Variants in EPB41L3 observed in about 807,000 individuals in gnomAD.
EPB41L3 encodes the protein erythrocyte membrane protein band 4.1 like 3.
In EPB41L3, 57 loss-of-function variants were observed where a neutral mutation model predicts 127.1. The observed-to-expected ratio is 0.45, with a 90% confidence interval of 0.36 to 0.56. The LOEUF (loss-of-function observed/expected upper bound fraction) is 0.56, where lower values mean the gene tolerates loss of function less well. Among genes scored for constraint, EPB41L3 ranks in the 20% least tolerant of loss-of-function variants. The pLI is 0.00. For synonymous variants in EPB41L3, 572 were observed against 549.5 expected (o/e 1.04, Z -0.57); for missense variants, 1,273 against 1,372.2 (o/e 0.93, Z 1.14).
At chr18:5,396,684 C>T (rs1485796595) in intron 18 of EPB41L3, among the ~76,000 whole-genome samples, 1 of 152,114 alleles carries the variant, frequency 6.6e-6, no homozygotes, top group Non-Finnish European at 1.5e-5. Context: ...GCATTTAGGA[C>T]CCGGGTAAAC....
intron 6 of EPB41L3, among the ~76,000 whole-genome samples, chr18:5,434,471 C>G (rs1222397749): frequency 6.6e-6 from 1 of 152,130 alleles, no homozygotes; most frequent in Non-Finnish European, 1.5e-5. Flanking sequence ...AATACAGTTC[C>G]TGAAATCCTT....
At chr18:5,400,852 T>C in intron 16 of EPB41L3, 1 of 655,026 alleles carries the variant, frequency 1.5e-6, no homozygotes, top group Admixed American at 2.8e-5. Flanking sequence ...ATTATGTACC[T>C]ACCTTGGTTT....
intron 1 of EPB41L3, among the ~76,000 whole-genome samples, chr18:5,497,220 T>G (rs968866895): frequency 7.9e-5 from 12 of 152,134 alleles, no homozygotes; most frequent in Non-Finnish European, 1.8e-4. Context: ...TCCCATGGGT[T>G]TGCAGAGCTG....
At position 5,445,244 on chromosome 18, in the gene EPB41L3, T is replaced by G; in HGVS notation, c.382A>C (p.Lys128Gln). Residue 128 changes from lysine (K) to glutamine (Q), a missense_variant and splice_region_variant, in exon 4 of 23, where the codon AAA (lysine) becomes CAA (glutamine). This residue lies in a region of EPB41L3 where 326 missense variants were observed against 440.2 expected (regional missense o/e 0.74). Coordinates refer to ENST00000341928, the MANE Select transcript of EPB41L3 (RefSeq NM_012307.5). ...DGSEYTCDVE[K>Q]RSRGQVLFDK... is the part of the protein sequence containing the mutation. Reference sequence around the variant, plus strand: ...AACAGCACTTGTCCTCTGGAGCGTTTCTACAGAAAACAGAATAGCAAAGCA... The same window carrying G: ...AACAGCACTTGTCCTCTGGAGCGTTGCTACAGAAAACAGAATAGCAAAGCA... 2 of 1,612,574 alleles carry G rather than the reference T, an allele frequency of 1.2e-6. No homozygotes were observed. Among genetic ancestry groups the G allele is most frequent in the Non-Finnish European group, 1.7e-6 (2 of 1,178,976 alleles).
At position 5,393,398 on chromosome 18, in the gene EPB41L3, G is replaced by A; in HGVS notation, c.*87C>T. 1 of 681,958 alleles carries A rather than the reference G, an allele frequency of 1.5e-6. No homozygotes were observed. The highest frequency in any genetic ancestry group is 2.7e-6 in the Non-Finnish European group (1 of 376,998). 42.2% of individuals were successfully genotyped at this position (681,958 alleles called of 1,614,324 possible). A position where few individuals can be genotyped will look rare whatever the true frequency, so the allele number is the denominator to read the frequency against. Reference sequence around the variant, plus strand: ...TCCACGGACAGATACAAGTCAGTTGGGTTAGAAGAGGGAACTCCATATAGG... The same window carrying A: ...TCCACGGACAGATACAAGTCAGTTGAGTTAGAAGAGGGAACTCCATATAGG... On this transcript the variant is annotated 3_prime_UTR_variant, in exon 23 of 23. Coordinates refer to ENST00000341928, the MANE Select transcript of EPB41L3 (RefSeq NM_012307.5).
intron 3 of EPB41L3, among the ~76,000 whole-genome samples, chr18:5,466,057 A>G (rs2147289784): frequency 6.6e-6 from 1 of 152,044 alleles, no homozygotes; most frequent in South Asian, 2.1e-4. Context: ...TTTCATTATC[A>G]TTTTTTCCAT....
At chr18:5,419,470 T>C (rs1477983644) in intron 12 of EPB41L3, among the ~76,000 whole-genome samples, 1 of 152,250 alleles carries the variant, frequency 6.6e-6, no homozygotes, top group Non-Finnish European at 1.5e-5. Context: ...AGGACAGCTA[T>C]TGAAAGTCTT....
chr18:5,519,227 G>T (rs547960082), intron 1 of EPB41L3, among the ~76,000 whole-genome samples: 90 of 152,344 alleles, frequency 5.9e-4, no homozygotes, highest in African/African-American at 2.1e-3. Flanking sequence ...GGTACTGCAT[G>T]TATCCCTGTT....
chr18:5,601,702 C>T (rs948502109), intron 3 of EPB41L3, among the ~76,000 whole-genome samples: 16 of 152,124 alleles, frequency 1.1e-4, no homozygotes, highest in African/African-American at 2.7e-4. Flanking sequence ...AGAACTATCC[C>T]AGAAATCCAG....
intron 3 of EPB41L3, among the ~76,000 whole-genome samples, chr18:5,603,689 C>T (rs2143846932): frequency 6.6e-6 from 1 of 152,136 alleles, no homozygotes; most frequent in African/African-American, 2.4e-5. Context: ...TTGAGACCAG[C>T]CTGGGCAACA....
chr18:5,592,554 T>G (rs1050436734), intron 3 of EPB41L3, among the ~76,000 whole-genome samples: 2 of 152,068 alleles, frequency 1.3e-5, no homozygotes, highest in Non-Finnish European at 2.9e-5. Flanking sequence ...CTCCCAGGAG[T>G]TCCTTTGCAG....
chr18:5,530,145 C>T (rs1009741070), intron 1 of EPB41L3, among the ~76,000 whole-genome samples: 1 of 152,044 alleles, frequency 6.6e-6, no homozygotes, highest in African/African-American at 2.4e-5. Context: ...AACATTAGCA[C>T]CATTTATTGG....
chr18:5,536,125 C>T (rs1465546187), intron 1 of EPB41L3, among the ~76,000 whole-genome samples: 1 of 152,068 alleles, frequency 6.6e-6, no homozygotes, highest in Admixed American at 6.5e-5. Flanking sequence ...AAAGAGATGA[C>T]ATTAAAATCT....
intron 13 of EPB41L3, 84 bp from the exon 14 acceptor site, chr18:5,410,703 G>T (rs947517373): frequency 2.0e-6 from 2 of 1,004,088 alleles, no homozygotes; most frequent in Non-Finnish European, 1.5e-6. Context: ...TCTGGCACAG[G>T]TCAGACAGGT....
intron 22 of EPB41L3, chr18:5,394,471 T>C (rs1042240067): frequency 3.8e-6 from 2 of 521,888 alleles, no homozygotes; most frequent in Non-Finnish European, 3.4e-6. Context: ...ATCCTCTAAC[T>C]GGCAGTGCAT....
At chr18:5,458,587 C>T (rs1036534283) in intron 3 of EPB41L3, among the ~76,000 whole-genome samples, 1 of 152,124 alleles carries the variant, frequency 6.6e-6, no homozygotes, top group Non-Finnish European at 1.5e-5. Context: ...GGATTCCCTT[C>T]TTAAATTCAA....
At chr18:5,436,410 T>C (rs1332958665) in intron 6 of EPB41L3, among the ~76,000 whole-genome samples, 1 of 129,856 alleles carries the variant, frequency 7.7e-6, no homozygotes, top group East Asian at 2.1e-4. Context: ...TTTCTTTTTT[T>C]TTTTTTTTTT....
chr18:5,420,733 A>G (rs2145065381), intron 11 of EPB41L3, among the ~76,000 whole-genome samples: 1 of 152,330 alleles, frequency 6.6e-6, no homozygotes, highest in South Asian at 2.1e-4. Flanking sequence ...GGTACTCATT[A>G]TTTTAGGTTT....
rs1190947038 is a variant in EPB41L3, at chr18:5,602,557, A to T, written c.-306+9783T>A. ...ACTCCTGGGCTCAAGCGATCTTCCCATCTCAGCCTCCTGAGTAGCTGGGAC... is the reference window on the plus strand; with the variant it reads ...ACTCCTGGGCTCAAGCGATCTTCCCTTCTCAGCCTCCTGAGTAGCTGGGAC... On this transcript the variant is annotated intron_variant, in intron 3 of 21. Transcript: ENST00000545076. Among the ~76,000 whole-genome samples the T allele has an allele frequency of 2.0e-5, 3 of 152,104 alleles. No individual in the cohort carries two copies. In the East Asian group the frequency reaches 5.8e-4, roughly 29 times the overall value.
Sources: allele counts gnomAD v4.1 joint callset (sites outside exome capture counted in the v4.1 genomes callset), GRCh38; gene constraint gnomAD v4.1.1; regional missense constraint gnomAD v4.1.1; transcripts MANE v1.5; gene names NCBI Gene and HGNC (gene_info 2026-07-23, HGNC 2026-07-21).